Variants in MED31 observed in about 807,000 individuals in gnomAD.
MED31 encodes mediator of RNA polymerase II transcription subunit 31.
MED31 carries 11 observed loss-of-function variants against 22.0 expected under a neutral mutation model. The ratio of observed to expected loss-of-function variants is 0.50; its 90% confidence interval spans 0.31 to 0.83. The LOEUF (loss-of-function observed/expected upper bound fraction) is 0.83, where lower values mean the gene tolerates loss of function less well. Among genes scored for constraint, MED31 ranks in the 40% least tolerant of loss-of-function variants. The pLI, the probability that MED31 is intolerant of heterozygous loss-of-function variation, is 0.04. For missense variants in MED31, 122 were observed against 155.3 expected, an observed-to-expected ratio of 0.79 and a Z score of 1.14; for synonymous variants, 60 against 55.1, an observed-to-expected ratio of 1.09 and a Z score of -0.40.
intron 1 of MED31, among the ~76,000 whole-genome samples, chr17:6,651,120 C>CAAACAAAAAAAAAAAAAAAA (rs1972829405): frequency 4.1e-5 from 2 of 49,068 alleles, no homozygotes; most frequent in African/African-American, 2.5e-4. Context: ...GACGCTGTCT[C>CAAACAAAAAAAAAAAAAAAA]AAAAAAAAAA....
chr17:6,643,990 G>A lies in MED31; in HGVS notation c.*477C>T. On this transcript the variant is annotated 3_prime_UTR_variant, in exon 4 of 4. Coordinates refer to ENST00000225728, the MANE Select transcript of MED31 (RefSeq NM_016060.3). The stretch of plus-strand genomic sequence containing the variant: ...TCCTGCAGAATTCAAGAACCTTTAT[G>A]CAGTTCCTGTCCTATGATTTAAAGA... 2.5e-6 allele frequency: 1 copy of A among 398,156 alleles called. No individual in the cohort carries two copies. Among genetic ancestry groups the A allele is most frequent in the Admixed American group, 4.4e-5 (1 of 22,812 alleles). The allele number at this position is 398,156 out of a possible 1,614,324, so 24.7% of individuals were successfully genotyped here.
In MED31 at chr17:6,650,379, A is replaced by G; in HGVS notation, c.83T>C (p.Leu28Ser). ...ACAATTAAGGTAATTTGGGTTGGCT[A>G]AACATTGCACAAATTCCAACTCCAA... ...FQLELEFVQC[L>S]ANPNYLNFLA... The change falls in exon 2 of 4, where the codon TTA (leucine) becomes TCA (serine). Residue 28 changes from leucine (L) to serine (S), a missense_variant. Coordinates refer to ENST00000225728, the MANE Select transcript of MED31 (RefSeq NM_016060.3). 1 of 1,614,164 alleles carries G rather than the reference A, an allele frequency of 6.2e-7. No individual in the cohort carries two copies. Among genetic ancestry groups the G allele is most frequent in the South Asian group, 1.1e-5 (1 of 91,074 alleles).
In MED31 at chr17:6,644,403, T is replaced by G; in HGVS notation, c.*64A>C. On this transcript the variant is annotated 3_prime_UTR_variant, in exon 4 of 4. Transcript: ENST00000225728. The stretch of plus-strand genomic sequence containing the variant: ...ATAGGAAGAGTTTTCATTTTTTTTG[T>G]CTTCACTGTACAAAAGAAATACATT... 12 of 1,460,052 alleles carry G rather than the reference T, an allele frequency of 8.2e-6. No individual in the cohort carries two copies. The highest frequency in any genetic ancestry group is 1.1e-5 in the Non-Finnish European group (12 of 1,104,132). 90.4% of individuals were successfully genotyped at this position (1,460,052 alleles called of 1,614,324 possible).
At chr17:6,647,998 A>C (rs1175672361) in intron 3 of MED31, among the ~76,000 whole-genome samples, 2 of 152,258 alleles carry the variant, frequency 1.3e-5, no homozygotes, top group Admixed American at 1.3e-4. Context: ...GAAGTTCTGC[A>C]TTTGGTGTTT....
At chr17:6,646,394 G>C (rs1303832955) in intron 3 of MED31, among the ~76,000 whole-genome samples, 1 of 152,202 alleles carries the variant, frequency 6.6e-6, no homozygotes, top group African/African-American at 2.4e-5. Context: ...GTGGGGAAAA[G>C]AGATCAGATT....
At chr17:6,649,848 G>A (rs9900150) in intron 3 of MED31, 134 bp downstream of exon 3, 415,723 of 829,780 alleles carry the variant, frequency 0.5, 105,710 homozygotes, top group East Asian at 0.66. Context: ...TTAGAGATGA[G>A]GGTGTCTTGT....
At chr17:6,650,317 T>G (rs374641139) in intron 2 of MED31, 39 bp downstream of exon 2, 1 of 1,577,690 alleles carries the variant, frequency 6.3e-7, no homozygotes, top group African/African-American at 1.4e-5. Flanking sequence ...CAGAAATCAT[T>G]AATAGCTACT....
rs113913886 is a variant in MED31, at chr17:6,646,530, C to T, written c.204-1871G>A. On this transcript the variant is annotated intron_variant, in intron 3 of 3. Coordinates refer to ENST00000225728, the MANE Select transcript of MED31 (RefSeq NM_016060.3). ...AGCCCCAACTCTGTGCCCCCAGAAA[C>T]ATGTGCTATATTGAATCAAGGTTTA... is the stretch of plus-strand genomic sequence containing the variant. Among the ~76,000 whole-genome samples the T allele has an allele frequency of 8.3e-3, 1,270 of 152,338 alleles. 15 individuals carry two copies. The highest frequency in any genetic ancestry group is 0.028 in the African/African-American group (1,164 of 41,582).
chr17:6,650,821 G>A (rs1972823286), intron 1 of MED31, among the ~76,000 whole-genome samples: 1 of 152,086 alleles, frequency 6.6e-6, no homozygotes, highest in Non-Finnish European at 1.5e-5. Flanking sequence ...GCTAGGGGCT[G>A]AATCAGTAAA....
intron 3 of MED31, among the ~76,000 whole-genome samples, chr17:6,648,466 T>C (rs564200594): frequency 2.6e-4 from 40 of 152,380 alleles, no homozygotes; most frequent in African/African-American, 9.4e-4. Flanking sequence ...TGCTCTCAGC[T>C]TCAGCCCAGT....
intron 1 of MED31, 123 bp from the exon 2 acceptor site, chr17:6,650,556 G>A (rs1320681840): frequency 1.3e-6 from 1 of 798,642 alleles, no homozygotes; most frequent in Non-Finnish European, 2.0e-6. Context: ...TAAACTAGGA[G>A]TGGGAGGAGA....
In MED31 at chr17:6,650,041, A is replaced by C. The variant is rs764170203; in HGVS notation, c.144T>G (p.Phe48Leu). ...AAAGCAAGTATTTAAGATAATTAAC[A>C]AAAGCTTTGTCTTTGAAGTAACCTC... ...AQRGYFKDKA[F>L]VNYLKYLLYW... The change falls in exon 3 of 4, where the codon TTT (phenylalanine) becomes TTG (leucine). Residue 48 changes from phenylalanine (F) to leucine (L), a missense_variant. Physicochemically the swap from Phe to Leu is conservative, Grantham distance 22. Coordinates refer to ENST00000225728, the MANE Select transcript of MED31 (RefSeq NM_016060.3). The C allele has an allele frequency of 1.2e-6, 2 of 1,603,914 alleles. No homozygotes were observed. Among genetic ancestry groups the C allele is most frequent in the Non-Finnish European group, 1.7e-6 (2 of 1,177,548 alleles).
intron 1 of MED31, among the ~76,000 whole-genome samples, chr17:6,651,008 C>T (rs1014903924): frequency 6.7e-6 from 1 of 149,908 alleles, no homozygotes; most frequent in Non-Finnish European, 1.5e-5. Flanking sequence ...GTAGTCCCAG[C>T]TACTTGAGAG....
At chr17:6,646,827 G>A (rs551111372) in intron 3 of MED31, among the ~76,000 whole-genome samples, 2 of 152,352 alleles carry the variant, frequency 1.3e-5, no homozygotes, top group African/African-American at 4.8e-5. Context: ...AGTAGTGAAA[G>A]AGGGAGGCCT....
rs889145240 is a variant in MED31 at position 6,651,576 on chromosome 17, C to G, written c.-48G>C. 1.9e-6 allele frequency: 3 copies of G among 1,612,774 alleles called. No homozygotes were observed. Among genetic ancestry groups the G allele is most frequent in the Non-Finnish European group, 2.5e-6 (3 of 1,179,416 alleles). ...CCACCAGCCTGACAGAGCAAAAGCC[C>G]AGAGACGCGGGCGAAGTTCCGGAAA... On this transcript the variant is annotated 5_prime_UTR_variant, in exon 1 of 4. Transcript: ENST00000225728.
intron 1 of MED31, among the ~76,000 whole-genome samples, chr17:6,650,668 C>T (rs772963194): frequency 3.3e-5 from 5 of 152,152 alleles, no homozygotes; most frequent in Non-Finnish European, 5.9e-5. Context: ...AAAACAGCAA[C>T]ACAAACGGAG....
intron 2 of MED31, 136 bp downstream of exon 2, chr17:6,650,220 A>G: frequency 1.7e-6 from 2 of 1,195,580 alleles, no homozygotes; most frequent in Non-Finnish European, 2.4e-6. Context: ...CCAGTACGCA[A>G]TTATATCTAT....
chr17:6,646,851 A>G (rs1379792048), intron 3 of MED31, among the ~76,000 whole-genome samples: 1 of 152,202 alleles, frequency 6.6e-6, no homozygotes, highest in Non-Finnish European at 1.5e-5. Context: ...TGCAGTTGAG[A>G]TAAGATGAAG....
chr17:6,647,053 C>A (rs1348229055), intron 3 of MED31, among the ~76,000 whole-genome samples: 1 of 152,200 alleles, frequency 6.6e-6, no homozygotes, highest in Non-Finnish European at 1.5e-5. Flanking sequence ...AGCCTATGTG[C>A]ACATCCAGGC....
Sources: gnomAD v4.1 joint callset for allele counts (sites outside exome capture counted in the v4.1 genomes callset) on GRCh38, gnomAD v4.1.1 for gene constraint, MANE v1.5 for transcripts, NCBI Gene and HGNC (gene_info 2026-07-23, HGNC 2026-07-21) for gene names.